The following SDK1 variants were observed in gnomAD, a reference collection of about 807,000 sequenced individuals.
SDK1 encodes the protein protein sidekick-1.
Under a neutral mutation model 245.5 loss-of-function variants are expected in SDK1, and 157 were observed. The ratio of observed to expected loss-of-function variants is 0.64; its 90% CI spans 0.56 to 0.73. The LOEUF (loss-of-function observed/expected upper bound fraction) is 0.73. Ranked by LOEUF, SDK1 falls within the 30% of genes least tolerant of loss-of-function variation. SDK1 has a pLI of 0.00. For missense variants in SDK1, 3,583 were observed against 3,002.3 expected (o/e 1.19, Z -4.52); for synonymous variants, 1,647 against 1,278.5 (o/e 1.29, Z -6.15).
chr7:3,579,623 A>T (rs966881947), intron 1 of SDK1, among the ~76,000 whole-genome samples: 4 of 152,186 alleles, frequency 2.6e-5, no homozygotes, highest in Admixed American at 2.0e-4. Flanking sequence ...GAAGACAAGG[A>T]TGCCCTCTCT....
chr7:4,196,673 A>G (rs779665659), intron 35 of SDK1, among the ~76,000 whole-genome samples: 4 of 152,096 alleles, frequency 2.6e-5, no homozygotes, highest in Non-Finnish European at 5.9e-5. Flanking sequence ...GCTCATTCCC[A>G]GCACAGAGCC....
intron 35 of SDK1, among the ~76,000 whole-genome samples, chr7:4,183,559 G>T (rs975304554): frequency 1.3e-5 from 2 of 151,182 alleles, no homozygotes; most frequent in African/African-American, 4.9e-5. Flanking sequence ...CGCTTGAACC[G>T]GAACCCGGGA....
At chr7:3,680,020 A>T (rs1248700743) in intron 4 of SDK1, among the ~76,000 whole-genome samples, 1 of 151,816 alleles carries the variant, frequency 6.6e-6, no homozygotes, top group Non-Finnish European at 1.5e-5. Flanking sequence ...TAGTAAAAAA[A>T]TCAGAAACCA....
At chr7:4,151,505 C>T (rs979372666) in intron 30 of SDK1, among the ~76,000 whole-genome samples, 1 of 152,208 alleles carries the variant, frequency 6.6e-6, no homozygotes, top group African/African-American at 2.4e-5. Flanking sequence ...GGTTATGCCC[C>T]TCATGTTAGG....
At chr7:3,406,777 T>C (rs577263140) in intron 1 of SDK1, among the ~76,000 whole-genome samples, 3 of 152,168 alleles carry the variant, frequency 2.0e-5, no homozygotes, top group African/African-American at 4.8e-5. Flanking sequence ...CATACCCATA[T>C]ATACAGGAGA....
chr7:4,162,634 A>C (rs886894521), intron 32 of SDK1, among the ~76,000 whole-genome samples: 73 of 152,006 alleles, frequency 4.8e-4, no homozygotes, highest in African/African-American at 1.6e-3. Flanking sequence ...TCCTGACCTC[A>C]GGTGATCCAC....
chr7:3,772,950 T>G (rs1231802642), intron 4 of SDK1, among the ~76,000 whole-genome samples: 3 of 152,214 alleles, frequency 2.0e-5, no homozygotes, highest in Admixed American at 6.5e-5. Flanking sequence ...TCACTGCAGT[T>G]TCACTGATTT....
chr7:3,666,611 A>C (rs930371993), intron 4 of SDK1, among the ~76,000 whole-genome samples: 1 of 152,144 alleles, frequency 6.6e-6, no homozygotes, highest in African/African-American at 2.4e-5. Flanking sequence ...TAAGCTCCTG[A>C]GGACAGACAC....
intron 4 of SDK1, among the ~76,000 whole-genome samples, chr7:3,708,181 C>G (rs1397416847): frequency 6.6e-6 from 1 of 152,130 alleles, no homozygotes; most frequent in Non-Finnish European, 1.5e-5. Flanking sequence ...ATGCCACACA[C>G]TTTAAAATGA....
chr7:3,807,957 G>C (rs1261588940), intron 4 of SDK1, among the ~76,000 whole-genome samples: 1 of 152,148 alleles, frequency 6.6e-6, no homozygotes, highest in Non-Finnish European at 1.5e-5. Context: ...CTAAGGGATG[G>C]ATACAATTAT....
chr7:3,713,051 C>T (rs1334799086), intron 4 of SDK1, among the ~76,000 whole-genome samples: 1 of 152,216 alleles, frequency 6.6e-6, no homozygotes, highest in Non-Finnish European at 1.5e-5. Context: ...GTGGCTGGGG[C>T]ATGGCAGGGT....
intron 5 of SDK1, among the ~76,000 whole-genome samples, chr7:3,873,042 C>T (rs1281672492): frequency 6.6e-6 from 1 of 152,094 alleles, no homozygotes; most frequent in Non-Finnish European, 1.5e-5. Flanking sequence ...TGATGCTTTT[C>T]ATGTCTTCGT....
chr7:3,538,626 A>C (rs936562501), intron 1 of SDK1, among the ~76,000 whole-genome samples: 1 of 152,162 alleles, frequency 6.6e-6, no homozygotes, highest in Non-Finnish European at 1.5e-5. Flanking sequence ...TTTGTATTTT[A>C]TTCCTTCTAA....
chr7:3,804,825 T>C (rs1779199550), intron 4 of SDK1, among the ~76,000 whole-genome samples: 1 of 152,268 alleles, frequency 6.6e-6, no homozygotes, highest in Non-Finnish European at 1.5e-5. Context: ...AGTGGCGTTA[T>C]ATTTTAATTT....
chr7:4,154,455 T>C (rs1256614806), intron 30 of SDK1, among the ~76,000 whole-genome samples: 1 of 152,044 alleles, frequency 6.6e-6, no homozygotes, highest in Admixed American at 6.6e-5. Context: ...TATGTGGAGA[T>C]TTGGGAGGTG....
intron 5 of SDK1, among the ~76,000 whole-genome samples, chr7:3,875,667 G>A (rs2115140601): frequency 6.6e-6 from 1 of 152,268 alleles, no homozygotes; most frequent in South Asian, 2.1e-4. Context: ...AGGAAAGATT[G>A]GCAAAAACTG....
At chr7:3,739,378 C>T (rs892170935) in intron 4 of SDK1, among the ~76,000 whole-genome samples, 10 of 151,996 alleles carry the variant, frequency 6.6e-5, no homozygotes, top group Non-Finnish European at 1.2e-4. Context: ...AATACTTTTC[C>T]AGTATTCTTT....
At chr7:4,066,383 C>T (rs996830757) in intron 19 of SDK1, among the ~76,000 whole-genome samples, 2 of 152,206 alleles carry the variant, frequency 1.3e-5, no homozygotes, top group African/African-American at 4.8e-5. Flanking sequence ...GCACAGGTGC[C>T]TGTGGTGCCT....
rs765623843 is a variant in SDK1, at chr7:3,971,500, C to T, written c.1749C>T (p.His583=). 94 of 1,613,458 alleles carry T rather than the reference C, an allele frequency of 5.8e-5. No individual in the cohort carries two copies. Among genetic ancestry groups the T allele is most frequent in the Non-Finnish European group, 7.6e-5 (90 of 1,179,720 alleles). The change falls in exon 12 of 45, where the codon CAC becomes CAT. Residue 583 remains histidine, a synonymous_variant. Coordinates refer to ENST00000404826, the MANE Select transcript of SDK1 (RefSeq NM_152744.4). The part of the protein sequence containing the change: ...RTSIVHPPED[H]VVIKGTTATL... ...CCATCGTCCACCCTCCTGAGGACCA[C>T]GTGGTGATTAAGGGGACCACGGCCA... is the stretch of plus-strand genomic sequence containing the variant.
Sources: allele counts gnomAD v4.1 joint callset (sites outside exome capture counted in the v4.1 genomes callset), GRCh38; gene constraint gnomAD v4.1.1; transcripts MANE v1.5; gene names NCBI Gene and HGNC (gene_info 2026-07-23, HGNC 2026-07-21).